The following FBXO31 variants were observed in gnomAD, a reference collection of about 807,000 sequenced individuals.
FBXO31 encodes the protein F-box only protein 31.
FBXO31 carries 24 observed loss-of-function variants against 54.4 expected under a neutral mutation model. The observed-to-expected ratio is 0.44, with a 90% CI of 0.32 to 0.62. The LOEUF (loss-of-function observed/expected upper bound fraction) is 0.62, where lower values mean the gene tolerates loss of function less well. FBXO31 is among the 20% of genes least tolerant of loss of function. FBXO31 has a pLI of 0.05. For synonymous variants in FBXO31, 388 were observed against 335.6 expected, an observed-to-expected ratio of 1.16 and a Z score of -1.71; for missense variants, 665 against 787.1, an observed-to-expected ratio of 0.84 and a Z score of 1.86.
intron 1 of FBXO31, among the ~76,000 whole-genome samples, chr16:87,375,230 C>T (rs1011917850): frequency 6.6e-6 from 1 of 152,168 alleles, no homozygotes; most frequent in Admixed American, 6.6e-5. Flanking sequence ...TGGCGTGAAC[C>T]CGGGAGGCAG....
chr16:87,331,110 T>C lies in FBXO31; in HGVS notation c.*178A>G. 2 of 604,672 alleles carry C rather than the reference T, an allele frequency of 3.3e-6. No homozygotes were observed. The highest frequency in any genetic ancestry group is 1.8e-5 in the African/African-American group (1 of 54,122). 37.5% of individuals were successfully genotyped at this position (604,672 alleles called of 1,614,324 possible). The stretch of plus-strand genomic sequence containing the variant: ...TCTTCCATCATGGCACTGACAAATA[T>C]GCAGGTCTATGTCACACTCTCTACA... On this transcript the variant is annotated 3_prime_UTR_variant, in exon 9 of 9. Coordinates refer to ENST00000311635, the MANE Select transcript of FBXO31 (RefSeq NM_024735.5).
At chr16:87,388,152 C>T (rs1468004778), upstream of FBXO31, among the ~76,000 whole-genome samples, 1 of 152,192 alleles carries the variant, frequency 6.6e-6, no homozygotes, top group African/African-American at 2.4e-5. Flanking sequence ...GAAACAGCTG[C>T]GGGTCGCGTG....
At chr16:87,354,121 T>A (rs1451229760) in intron 2 of FBXO31, among the ~76,000 whole-genome samples, 1 of 152,264 alleles carries the variant, frequency 6.6e-6, no homozygotes, top group Non-Finnish European at 1.5e-5. Context: ...TTAGAAGATA[T>A]CATTGTTAAT....
At chr16:87,375,263 C>T (rs1343629294) in intron 1 of FBXO31, among the ~76,000 whole-genome samples, 1 of 152,054 alleles carries the variant, frequency 6.6e-6, no homozygotes, top group Non-Finnish European at 1.5e-5. Context: ...GCCAAGATCG[C>T]GCCACTGCAC....
upstream of FBXO31, among the ~76,000 whole-genome samples, chr16:87,387,734 G>A (rs1907373387): frequency 6.6e-6 from 1 of 152,226 alleles, no homozygotes; most frequent in African/African-American, 2.4e-5. Context: ...GTGAACCCGG[G>A]AGGCGGAGCT....
chr16:87,357,910 C>A (rs1905966843), intron 2 of FBXO31, among the ~76,000 whole-genome samples: 1 of 150,086 alleles, frequency 6.7e-6, no homozygotes. Flanking sequence ...GAGTGAGACT[C>A]TGCCTCAAAA....
In FBXO31 at chr16:87,328,769, AG is replaced by A. The variant is rs1198700676; in HGVS notation, c.*2518del. ...GCCCCAGAGTGAGACAGCGACAGAA[AG>A]GCATCCGTGGTGCAAAAGATGGAGA... On this transcript the variant is annotated 3_prime_UTR_variant, in exon 9 of 9. Coordinates refer to ENST00000311635, the MANE Select transcript of FBXO31 (RefSeq NM_024735.5). 8.5e-5 allele frequency: 13 copies of A among 152,470 alleles called. No individual in the cohort carries two copies. The highest frequency in any genetic ancestry group is 2.9e-4 in the African/African-American group (12 of 41,582). 9.4% of individuals were successfully genotyped at this position (152,470 alleles called of 1,614,324 possible).
rs1188700175 is a variant in FBXO31 at position 87,383,572 on chromosome 16, G to A, written c.173C>T (p.Pro58Leu). The A allele has an allele frequency of 2.0e-6, 3 of 1,513,180 alleles. No homozygotes were observed. Among genetic ancestry groups the A allele is most frequent in the Non-Finnish European group, 2.6e-6 (3 of 1,136,138 alleles). 93.7% of individuals were successfully genotyped at this position (1,513,180 alleles called of 1,614,324 possible). A position where few individuals can be genotyped will look rare whatever the true frequency, so the allele number is the denominator to read the frequency against. Reference sequence around the variant, plus strand: ...CGAGCAGCGCGGGGGCGGCGGCGAGGGGCCCGCGCACAAGCCGCCCCCGAC... The same window carrying A: ...CGAGCAGCGCGGGGGCGGCGGCGAGAGGCCCGCGCACAAGCCGCCCCCGAC... ...AGVGGGLCAG[P>L]SPPPPRCSLL... Residue 58 changes from proline to leucine, a missense_variant, in exon 1 of 9, where the codon CCC becomes CTC. Transcript: ENST00000311635. The surrounding 1 kb of genome is among the most constrained non-coding windows in gnomAD (Gnocchi z 4.9).
rs187118023 is a variant in FBXO31, at chr16:87,378,788, C to T, written c.340+4617G>A. Reference sequence around the variant, plus strand: ...CAACCTGGCTAACACGGTGAAACCCCGTCTCTACTAAAAAGACAAAAAATT... The same window carrying T: ...CAACCTGGCTAACACGGTGAAACCCTGTCTCTACTAAAAAGACAAAAAATT... On this transcript the variant is annotated intron_variant, in intron 1 of 8. Coordinates refer to ENST00000311635, the MANE Select transcript of FBXO31 (RefSeq NM_024735.5). 2.4e-3 allele frequency among the ~76,000 whole-genome samples: 365 copies of T among 152,074 alleles called. 1 individual carries two copies. The highest frequency in any genetic ancestry group is 9.8e-3 in the Admixed American group (150 of 15,272).
chr16:87,383,712 G>A lies in FBXO31; in HGVS notation c.33C>T (p.Gly11=), dbSNP rs2150701732. 7.9e-7 allele frequency: 1 copy of A among 1,259,272 alleles called. No individual in the cohort carries two copies. Among genetic ancestry groups the A allele is most frequent in the Non-Finnish European group, 9.9e-7 (1 of 1,008,736 alleles). 78.0% of individuals were successfully genotyped at this position (1,259,272 alleles called of 1,614,324 possible). The stretch of plus-strand genomic sequence containing the variant: ...GGCGGCGCCGACATCCGCGCGACGG[G>A]CCCACGCCGCAAAGGCGAGCACACA... The part of the protein sequence containing the change: MAVCARLCGV[G]PSRGCRRRQQ... Residue 11 remains glycine, a synonymous_variant, in exon 1 of 9, where the codon GGC becomes GGT. Transcript: ENST00000311635. The surrounding 1 kb of genome is among the most constrained non-coding windows in gnomAD (Gnocchi z 4.9).
intron 1 of FBXO31, among the ~76,000 whole-genome samples, chr16:87,377,885 C>T (rs1238173422): frequency 6.6e-6 from 1 of 151,850 alleles, no homozygotes; most frequent in African/African-American, 2.4e-5. Flanking sequence ...AGGCCAGGCA[C>T]AGTGGCTCAT....
intron 1 of FBXO31, among the ~76,000 whole-genome samples, chr16:87,368,868 C>T (rs999396039): frequency 1.3e-5 from 2 of 152,132 alleles, no homozygotes; most frequent in Admixed American, 6.5e-5. Context: ...GGCACCATCT[C>T]GGCTCACTGC....
At chr16:87,341,833 G>A (rs899053468) in intron 5 of FBXO31, among the ~76,000 whole-genome samples, 13 of 152,070 alleles carry the variant, frequency 8.5e-5, no homozygotes, top group Admixed American at 2.6e-4. Context: ...AAAGAATTCC[G>A]AGAAACAGGA....
upstream of FBXO31, among the ~76,000 whole-genome samples, chr16:87,386,456 G>A (rs764825479): frequency 2.6e-5 from 4 of 152,092 alleles, no homozygotes; most frequent in Admixed American, 6.6e-5. Flanking sequence ...ATTTAGAGAC[G>A]GAGTCTCACT....
chr16:87,356,670 A>G (rs1487670523), intron 2 of FBXO31, among the ~76,000 whole-genome samples: 2 of 152,254 alleles, frequency 1.3e-5, no homozygotes, highest in African/African-American at 4.8e-5. Flanking sequence ...CCCCAGCTGC[A>G]GTGATCTGCT....
chr16:87,379,388 A>G (rs1476948744), intron 1 of FBXO31, among the ~76,000 whole-genome samples: 1 of 152,210 alleles, frequency 6.6e-6, no homozygotes, highest in African/African-American at 2.4e-5. Context: ...GGTAGGTACA[A>G]GGAGTGTGGA....
chr16:87,359,168 G>C (rs1906025781), intron 2 of FBXO31, among the ~76,000 whole-genome samples: 1 of 152,250 alleles, frequency 6.6e-6, no homozygotes, highest in South Asian at 2.1e-4. Context: ...GTCGGAAACA[G>C]ATCATGTGAA....
At chr16:87,356,492 G>A (rs973918111) in intron 2 of FBXO31, among the ~76,000 whole-genome samples, 2 of 152,076 alleles carry the variant, frequency 1.3e-5, no homozygotes, top group African/African-American at 4.8e-5. Flanking sequence ...ACTCCTGAGA[G>A]GTCCCCTGGC....
upstream of FBXO31, chr16:87,389,945 C>T (rs1422258525): frequency 6.6e-6 from 1 of 152,178 alleles, no homozygotes; most frequent in Non-Finnish European, 1.5e-5. Flanking sequence ...AAATCAGGGA[C>T]AGAAAGTGCC....
Sources: gnomAD v4.1 joint callset for allele counts (sites outside exome capture counted in the v4.1 genomes callset) on GRCh38, gnomAD v4.1.1 for gene constraint, Gnocchi (gnomAD v3.1) non-coding constraint, MANE v1.5 for transcripts, NCBI Gene and HGNC (gene_info 2026-07-23, HGNC 2026-07-21) for gene names.